Variants in PRKCQ observed in about 807,000 individuals in gnomAD.
PRKCQ encodes protein kinase C theta type.
PRKCQ carries 41 observed loss-of-function variants against 91.2 expected under a neutral mutation model. The ratio of observed to expected loss-of-function variants is 0.45; its 90% confidence interval spans 0.35 to 0.58. PRKCQ has a LOEUF of 0.58. PRKCQ is among the 20% of genes least tolerant of loss of function. PRKCQ has a pLI of 0.00. For missense variants in PRKCQ, 673 were observed against 896.5 expected (o/e 0.75, Z 3.18); for synonymous variants, 307 against 316.9 (o/e 0.97, Z 0.33).
intron 15 of PRKCQ, among the ~76,000 whole-genome samples, chr10:6,451,120 A>G (rs1329789766): frequency 2.6e-5 from 4 of 151,222 alleles, no homozygotes; most frequent in African/African-American, 9.7e-5. Context: ...ACCCTTCAAA[A>G]AATTAATGAA....
At chr10:6,466,897 T>C (rs1197713200) in intron 12 of PRKCQ, among the ~76,000 whole-genome samples, 1 of 152,184 alleles carries the variant, frequency 6.6e-6, no homozygotes, top group African/African-American at 2.4e-5. Flanking sequence ...GCTTCATCCT[T>C]ACTCAGCCCT....
chr10:6,442,395 T>A (rs1425035375), intron 15 of PRKCQ, among the ~76,000 whole-genome samples: 2 of 152,214 alleles, frequency 1.3e-5, no homozygotes, highest in African/African-American at 4.8e-5. Context: ...AGGTGGCAGA[T>A]ATTGGACCTA....
chr10:6,521,442 ACT>A (rs1401544194), intron 1 of PRKCQ, among the ~76,000 whole-genome samples: 1 of 151,940 alleles, frequency 6.6e-6, no homozygotes, highest in Non-Finnish European at 1.5e-5. Context: ...AGTTATTTAA[ACT>A]CTCTAAGCCT....
intron 1 of PRKCQ, among the ~76,000 whole-genome samples, chr10:6,515,782 TATAAGGATGAACAAAA>T (rs1232028139): frequency 1.9e-4 from 29 of 149,688 alleles, no homozygotes; most frequent in Admixed American, 6.6e-5. Flanking sequence ...GGCTTTCTCA[TATAAGGATGAACAAAA>T]TACTTCATAA....
chr10:6,519,577 G>C (rs911771931), intron 1 of PRKCQ, among the ~76,000 whole-genome samples: 1 of 152,132 alleles, frequency 6.6e-6, no homozygotes, highest in African/African-American at 2.4e-5. Flanking sequence ...ATTGGACAGG[G>C]AACCAGGCTT....
chr10:6,498,226 A>G (rs1837721363), intron 5 of PRKCQ, among the ~76,000 whole-genome samples, 170 bp downstream of exon 5: 1 of 151,338 alleles, frequency 6.6e-6, no homozygotes, highest in Admixed American at 6.6e-5. Flanking sequence ...CACCTCTTTT[A>G]TTGGATCACA....
chr10:6,414,075 G>A, the PRKCQ span, among the ~76,000 whole-genome samples: 1 of 152,186 alleles, frequency 6.6e-6, no homozygotes, highest in South Asian at 2.1e-4. Context: ...CCTGGAGAAG[G>A]TTTCAAGGGC....
intron 10 of PRKCQ, among the ~76,000 whole-genome samples, chr10:6,484,582 C>G (rs1209288261): frequency 2.6e-5 from 4 of 152,120 alleles, no homozygotes; most frequent in Non-Finnish European, 5.9e-5. Flanking sequence ...TTCCCCCTGC[C>G]TACAATAGTC....
chr10:6,577,073 A>G (rs80030417), intron 1 of PRKCQ, among the ~76,000 whole-genome samples: 2,961 of 152,234 alleles, frequency 0.019, 74 homozygotes, highest in African/African-American at 0.059. Flanking sequence ...AATTAATACT[A>G]TTAGCTTAAT....
At chr10:6,429,120 C>T (rs1313473166) in intron 17 of PRKCQ, among the ~76,000 whole-genome samples, 2 of 152,222 alleles carry the variant, frequency 1.3e-5, no homozygotes, top group East Asian at 1.9e-4. Flanking sequence ...CCCCTCCCAC[C>T]CTCCAAGGGG....
the PRKCQ span, among the ~76,000 whole-genome samples, chr10:6,404,340 C>G: frequency 6.8e-6 from 1 of 147,842 alleles, no homozygotes; most frequent in Admixed American, 6.9e-5. Context: ...ATAAAAAACC[C>G]TCTTCCATGC....
intron 8 of PRKCQ, among the ~76,000 whole-genome samples, chr10:6,487,976 G>C (rs1837024229): frequency 6.9e-6 from 1 of 143,998 alleles, no homozygotes; most frequent in Non-Finnish European, 1.5e-5. Context: ...CTGTACTCCA[G>C]CCTGGGAGAC....
At chr10:6,419,058 T>C in the PRKCQ span, among the ~76,000 whole-genome samples, 2 of 152,164 alleles carry the variant, frequency 1.3e-5, no homozygotes, top group African/African-American at 4.8e-5. Context: ...TCTCTATCTA[T>C]GTATCATCTA....
chr10:6,482,798 C>T (rs1340646268), intron 11 of PRKCQ, among the ~76,000 whole-genome samples: 1 of 152,108 alleles, frequency 6.6e-6, no homozygotes, highest in Non-Finnish European at 1.5e-5. Flanking sequence ...TACGTGGTGG[C>T]AGGTGAGAGG....
chr10:6,508,600 GA>G (rs1349436317), intron 3 of PRKCQ, among the ~76,000 whole-genome samples: 1 of 152,230 alleles, frequency 6.6e-6, no homozygotes, highest in African/African-American at 2.4e-5. Context: ...TTAATGAAAA[GA>G]AAAGTGCTTT....
chr10:6,395,056 CTTTTTTTTTT>C, the PRKCQ span, among the ~76,000 whole-genome samples: 1 of 66,994 alleles, frequency 1.5e-5, no homozygotes, highest in Non-Finnish European at 2.6e-5. Flanking sequence ...AAGCTGGAGT[CTTTTTTTTTT>C]TTTTTTTTTT....
At chr10:6,519,745 T>C (rs1407676520) in intron 1 of PRKCQ, among the ~76,000 whole-genome samples, 3 of 152,170 alleles carry the variant, frequency 2.0e-5, no homozygotes, top group African/African-American at 4.8e-5. Context: ...TGCCCCAAAG[T>C]GAACATGGGA....
intron 16 of PRKCQ, among the ~76,000 whole-genome samples, chr10:6,434,074 G>T (rs1833565874): frequency 6.7e-6 from 1 of 149,050 alleles, no homozygotes; most frequent in Non-Finnish European, 1.5e-5. Context: ...TAAGTGACTT[G>T]CCCTATATCC....
At chr10:6,524,588 C>T (rs757981420) in intron 1 of PRKCQ, among the ~76,000 whole-genome samples, 7 of 152,202 alleles carry the variant, frequency 4.6e-5, no homozygotes, top group Non-Finnish European at 1.0e-4. Flanking sequence ...GGGACAGGTA[C>T]GGGTAGACTT....
Sources: allele counts gnomAD v4.1 joint callset (sites outside exome capture counted in the v4.1 genomes callset), GRCh38; gene constraint gnomAD v4.1.1; transcripts MANE v1.5; gene names NCBI Gene and HGNC (gene_info 2026-07-23, HGNC 2026-07-21).